The following MDN1 variants were observed in gnomAD, a reference collection of about 807,000 sequenced individuals.
MDN1 encodes the protein midasin AAA ATPase 1.
A neutral mutation model predicts 669.2 loss-of-function variants in MDN1; 266 were observed. The observed-to-expected ratio is 0.40, with a 90% CI of 0.36 to 0.44. MDN1 has a LOEUF of 0.44. Among genes scored for constraint, MDN1 ranks in the 20% least tolerant of loss-of-function variants. MDN1 has a pLI of 1.00. For synonymous variants in MDN1, 2,385 were observed against 2,457.1 expected (o/e 0.97, Z 0.87); for missense variants, 5,940 against 6,754.0 (o/e 0.88, Z 4.22).
At chr6:89,808,237 T>C (rs1768141163) in intron 1 of MDN1, among the ~76,000 whole-genome samples, 1 of 152,176 alleles carries the variant, frequency 6.6e-6, no homozygotes, top group Admixed American at 6.5e-5. Flanking sequence ...TTCCTTTTCC[T>C]ATATCTAGTA....
At chr6:89,664,381 C>T in intron 85 of MDN1, 106 bp downstream of exon 85, 1 of 1,430,812 alleles carries the variant, frequency 7.0e-7, no homozygotes, top group Non-Finnish European at 9.6e-7. Flanking sequence ...CAGTAACCAA[C>T]TTGTTTCAAA....
At chr6:89,756,997 A>T (rs1326443023) in intron 19 of MDN1, among the ~76,000 whole-genome samples, 1 of 152,090 alleles carries the variant, frequency 6.6e-6, no homozygotes, top group Non-Finnish European at 1.5e-5. Context: ...TCGCCTATTT[A>T]AAAAAATAAG....
chr6:89,797,372 CAAAAA>C (rs36015348), intron 2 of MDN1, among the ~76,000 whole-genome samples: 3 of 97,740 alleles, frequency 3.1e-5, no homozygotes, highest in Non-Finnish European at 5.9e-5. Flanking sequence ...GACTCCATCT[CAAAAA>C]AAAAAAAAAA....
intron 99 of MDN1, among the ~76,000 whole-genome samples, chr6:89,647,531 A>G (rs951319942): frequency 8.5e-5 from 13 of 152,340 alleles, no homozygotes; most frequent in Middle Eastern, 3.4e-3. Flanking sequence ...AAAACCAATG[A>G]TGCAAAGTCA....
At chr6:89,726,222 A>C (rs1815223374) in intron 37 of MDN1, among the ~76,000 whole-genome samples, 1 of 152,150 alleles carries the variant, frequency 6.6e-6, no homozygotes, top group Non-Finnish European at 1.5e-5. Context: ...ACACTTTGGA[A>C]GGCCGAGGCA....
chr6:89,686,931 T>C lies in MDN1; in HGVS notation c.11543A>G (p.His3848Arg). 1.2e-6 allele frequency: 2 copies of C among 1,613,968 alleles called. No individual in the cohort carries two copies. Among genetic ancestry groups the C allele is most frequent in the Non-Finnish European group, 8.5e-7 (1 of 1,180,000 alleles). ...CTGTTCTTCTGTTTGTTCCTGCATGTGCTTCTCAAGCATCTGATAGATGGA... is the reference window on the plus strand; with the variant it reads ...CTGTTCTTCTGTTTGTTCCTGCATGCGCTTCTCAAGCATCTGATAGATGGA... ...WFSIYQMLEK[H>R]MQEQTEEQED... The change falls in exon 69 of 102, where the codon CAC becomes CGC. Residue 3848 changes from histidine (H) to arginine (R), a missense_variant. Physicochemically the swap from His to Arg is conservative, Grantham distance 29. This residue lies in a region of MDN1 where 2,280 missense variants were observed against 2,576.3 expected (regional missense o/e 0.88). Coordinates refer to ENST00000369393, the MANE Select transcript of MDN1 (RefSeq NM_014611.3).
rs555840990 is a variant in MDN1 at position 89,760,607 on chromosome 6, T to TAA, written c.2460+1037_2460+1038insTT. ...TCCATCAACAGATGAATAAAGAAAATGTTGTATATATACATATATACAAAC... is the reference window on the plus strand; with the variant it reads ...TCCATCAACAGATGAATAAAGAAAATAAGTTGTATATATACATATATACAAAC... On this transcript the variant is annotated intron_variant, in intron 17 of 101. Coordinates refer to ENST00000369393, the MANE Select transcript of MDN1 (RefSeq NM_014611.3). 2.3e-3 allele frequency among the ~76,000 whole-genome samples: 344 copies of TAA among 152,110 alleles called. 3 individuals carry two copies. Among genetic ancestry groups the TAA allele is most frequent in the African/African-American group, 7.8e-3 (325 of 41,484 alleles).
At chr6:89,749,432 G>A in intron 25 of MDN1, 63 bp from the exon 26 acceptor site, 1 of 1,597,244 alleles carries the variant, frequency 6.3e-7, no homozygotes, top group African/African-American at 1.3e-5. Flanking sequence ...TGGAGGCTCT[G>A]ACATTCACCA....
chr6:89,692,835 G>T lies in MDN1; in HGVS notation c.10195C>A (p.Pro3399Thr). 6.2e-7 allele frequency: 1 copy of T among 1,614,220 alleles called. No homozygotes were observed. Among genetic ancestry groups the T allele is most frequent in the Non-Finnish European group, 8.5e-7 (1 of 1,180,044 alleles). ...AACTGCAATATGGATGCCTGCAGTG[G>T]GCTCACGGCATCTGGATAGAAGGTG... ...EYTFYPDAVSPLQASILQLQH... is the reference protein window; with the variant it reads ...EYTFYPDAVSTLQASILQLQH... The change falls in exon 63 of 102, where the codon CCA becomes ACA. Residue 3399 changes from proline (P) to threonine (T), a missense_variant. This residue lies in a region of MDN1 where 150 missense variants were observed against 234.2 expected (regional missense o/e 0.64). Coordinates refer to ENST00000369393, the MANE Select transcript of MDN1 (RefSeq NM_014611.3).
rs769886116 is a variant in MDN1 at position 89,642,568 on chromosome 6, G to C, written c.*1437C>G. On this transcript the variant is annotated 3_prime_UTR_variant, in exon 102 of 102. Coordinates refer to ENST00000369393, the MANE Select transcript of MDN1 (RefSeq NM_014611.3). ...TACACCAACTCATCCTTTTCATTCT[G>C]CTGCAAAGCCAGCATATTATAGCTC... 2 of 152,136 alleles carry C rather than the reference G, an allele frequency of 1.3e-5. No homozygotes were observed. The highest frequency in any genetic ancestry group is 2.9e-5 in the Non-Finnish European group (2 of 68,022). 9.4% of individuals were successfully genotyped at this position (152,136 alleles called of 1,614,324 possible).
chr6:89,815,178 C>G (rs11754332), intron 1 of MDN1: 61,244 of 376,864 alleles, frequency 0.16, 5,683 homozygotes, highest in South Asian at 0.21. Flanking sequence ...GACAGGCTCA[C>G]GTGCCTACCC....
intron 95 of MDN1, 83 bp downstream of exon 95, chr6:89,652,109 G>T: frequency 9.4e-7 from 1 of 1,063,348 alleles, no homozygotes; most frequent in Non-Finnish European, 1.4e-6. Context: ...TAATTGCTAA[G>T]AACCTATTAA....
At chr6:89,750,563 AAAC>A in intron 23 of MDN1, 31 bp from the exon 24 acceptor site, 1 of 1,571,130 alleles carries the variant, frequency 6.4e-7, no homozygotes, top group Non-Finnish European at 8.7e-7. Context: ...AAGCAACTTA[AAAC>A]AACAAAAAAT....
chr6:89,749,330 G>A lies in MDN1; in HGVS notation c.3655C>T (p.His1219Tyr). ...TCGGAGCTAGGTAACTCATCAAAGTGCAATTCCACAAACCGATTCCTGAAG... is the reference window on the plus strand; with the variant it reads ...TCGGAGCTAGGTAACTCATCAAAGTACAATTCCACAAACCGATTCCTGAAG... ...RAFRNRFVELHFDELPSSELE... is the reference protein window; with the variant it reads ...RAFRNRFVELYFDELPSSELE... Residue 1219 changes from histidine (H) to tyrosine (Y), a missense_variant, in exon 26 of 102, where the codon CAC (histidine) becomes TAC (tyrosine). By Grantham distance (83) the His-to-Tyr change is moderately conservative (BLOSUM62 2). Coordinates refer to ENST00000369393, the MANE Select transcript of MDN1 (RefSeq NM_014611.3). 1 of 1,614,130 alleles carries A rather than the reference G, an allele frequency of 6.2e-7. No individual in the cohort carries two copies.
chr6:89,693,211 A>C, intron 62 of MDN1, 63 bp from the exon 63 acceptor site: 1 of 1,205,338 alleles, frequency 8.3e-7, no homozygotes, highest in Non-Finnish European at 1.2e-6. Flanking sequence ...TCTAGATTGG[A>C]TCCTCAGCTA....
At chr6:89,683,023 G>C in intron 73 of MDN1, 109 bp downstream of exon 73, 1 of 1,131,680 alleles carries the variant, frequency 8.8e-7, no homozygotes. Context: ...CAAAGAACAA[G>C]ATTTCAAAGG....
intron 93 of MDN1, among the ~76,000 whole-genome samples, chr6:89,653,845 T>C (rs931346147): frequency 6.6e-6 from 1 of 152,248 alleles, no homozygotes; most frequent in Non-Finnish European, 1.5e-5. Flanking sequence ...ATTTCTCTAA[T>C]ACTATACCTT....
At chr6:89,733,480 T>C (rs994844594) in intron 33 of MDN1, among the ~76,000 whole-genome samples, 2 of 151,954 alleles carry the variant, frequency 1.3e-5, no homozygotes, top group South Asian at 2.1e-4. Context: ...AAAGTATGAA[T>C]ATCAAAGAAT....
chr6:89,744,323 G>T (rs538653887), intron 29 of MDN1, among the ~76,000 whole-genome samples: 1 of 152,152 alleles, frequency 6.6e-6, no homozygotes, highest in South Asian at 2.1e-4. Flanking sequence ...GCTCATGCCT[G>T]TAATCCCAAC....
Sources: gnomAD v4.1 joint callset for allele counts (sites outside exome capture counted in the v4.1 genomes callset) on GRCh38, gnomAD v4.1.1 for gene constraint, gnomAD v4.1.1 regional missense constraint, MANE v1.5 for transcripts, NCBI Gene and HGNC (gene_info 2026-07-23, HGNC 2026-07-21) for gene names.